The following DNAH10 variants were observed in gnomAD, a reference collection of about 807,000 sequenced individuals.
The protein encoded by DNAH10 is axonemal beta dynein heavy chain 10.
In DNAH10, 348 loss-of-function variants were observed where a neutral mutation model predicts 506.6. The ratio of observed to expected loss-of-function variants is 0.69; its 90% confidence interval spans 0.63 to 0.75. DNAH10 has a LOEUF of 0.75. DNAH10 is among the 30% of genes least tolerant of loss of function. The pLI is 0.00. For synonymous variants in DNAH10, 2,059 were observed against 2,198.6 expected (o/e 0.94, Z 1.78); for missense variants, 5,179 against 5,787.1 (o/e 0.89, Z 3.41).
chr12:123,765,254 AAAAAC>A (rs571827009), intron 1 of DNAH10, among the ~76,000 whole-genome samples: 120 of 152,266 alleles, frequency 7.9e-4, no homozygotes, highest in Non-Finnish European at 1.4e-3. Flanking sequence ...TCCTTCTGGA[AAAAAC>A]AAAACGGAAT....
intron 54 of DNAH10, among the ~76,000 whole-genome samples, chr12:123,896,028 G>T (rs574738130): frequency 9.2e-5 from 14 of 151,496 alleles, no homozygotes; most frequent in Non-Finnish European, 1.9e-4. Context: ...CATGAGAATT[G>T]CTTGAGCCCA....
intron 60 of DNAH10, 44 bp from the exon 61 acceptor site, chr12:123,914,284 GC>G: frequency 6.5e-7 from 1 of 1,549,456 alleles, no homozygotes. Context: ...TTTGGTTGTG[GC>G]CAGAAGGTAA....
intron 30 of DNAH10, among the ~76,000 whole-genome samples, chr12:123,844,309 G>A (rs555917814): frequency 3.9e-5 from 6 of 152,278 alleles, no homozygotes; most frequent in Admixed American, 2.0e-4. Flanking sequence ...AATTTGAGAC[G>A]AGACGTGGGT....
At chr12:123,860,964 C>T (rs1165578355) in intron 38 of DNAH10, 48 bp from the exon 39 acceptor site, 1 of 1,612,964 alleles carries the variant, frequency 6.2e-7, no homozygotes, top group Non-Finnish European at 8.5e-7. Flanking sequence ...CTGTTTTCCT[C>T]ATGCATTTAG....
In DNAH10 at chr12:123,853,468, T is replaced by G. The variant is rs1054153386; in HGVS notation, c.6438+116T>G. 1.1e-5 allele frequency: 15 copies of G among 1,333,122 alleles called. No individual in the cohort carries two copies. The highest frequency in any genetic ancestry group is 1.5e-5 in the Non-Finnish European group (15 of 1,011,218). The allele number at this position is 1,333,122 out of a possible 1,614,324, so 82.6% of individuals were successfully genotyped here. On this transcript the variant is annotated intron_variant, in intron 36 of 78. Transcript: ENST00000673944. The surrounding 1 kb of genome is among the most constrained non-coding windows in gnomAD (Gnocchi z 4.7). ...TCACCTGAAAGGTTTAAGTCTTAGC[T>G]GCCTCTTCACCCCGCGGTCTGGCCT... is the stretch of plus-strand genomic sequence containing the variant.
rs1441317556 is a variant in DNAH10 at position 123,933,492 on chromosome 12, G to C, written c.13458G>C (p.Val4486=). 6.2e-7 allele frequency: 1 copy of C among 1,606,214 alleles called. No individual in the cohort carries two copies. Residue 4486 remains valine (V), a synonymous_variant, in exon 77 of 79, where the codon GTG becomes GTC. Coordinates refer to ENST00000673944, the MANE Select transcript of DNAH10 (RefSeq NM_001372106.1). Reference sequence around the variant, plus strand: ...CCAAGTTCCAGGATGCAGATGAAGTGAATGAGCGGGCGGGACAAGGTACCG... The same window carrying C: ...CCAAGTTCCAGGATGCAGATGAAGTCAATGAGCGGGCGGGACAAGGTACCG... ...QVTKFQDADE[V]NERAGQGCFV...
intron 26 of DNAH10, among the ~76,000 whole-genome samples, chr12:123,831,048 A>T (rs1462051702): frequency 6.6e-6 from 1 of 152,184 alleles, no homozygotes; most frequent in African/African-American, 2.4e-5. Context: ...CCTTAATTAA[A>T]TTTTTTGTTG....
intron 51 of DNAH10, among the ~76,000 whole-genome samples, chr12:123,886,693 C>A (rs1450043503): frequency 6.6e-6 from 1 of 152,000 alleles, no homozygotes; most frequent in Non-Finnish European, 1.5e-5. Context: ...TTCTGACAGT[C>A]GCTGGTTGCA....
intron 5 of DNAH10, among the ~76,000 whole-genome samples, chr12:123,774,996 G>A (rs1027278820): frequency 1.3e-5 from 2 of 152,212 alleles, no homozygotes; most frequent in East Asian, 1.9e-4. Context: ...AGAAAATACC[G>A]ACAAGTGGCA....
At chr12:123,929,605 T>A in intron 71 of DNAH10, 59 bp from the exon 72 acceptor site, 2 of 1,579,900 alleles carry the variant, frequency 1.3e-6, no homozygotes, top group South Asian at 2.3e-5. Context: ...CAGAAAAGTA[T>A]CAGAATGTGA....
At position 123,853,734 on chromosome 12, in the gene DNAH10, A is replaced by C. The variant is rs1235950436; in HGVS notation, c.6438+382A>C. On this transcript the variant is annotated intron_variant, in intron 36 of 78. Transcript: ENST00000673944. This position sits in a 1 kb window ranked among gnomAD's most constrained non-coding sequence, Gnocchi z 4.7. ...GAACAATTGTGTTTTTTTTACATGG[A>C]CTTTAAATAAAAGGTTTAGTCAATG... Among the ~76,000 whole-genome samples the C allele has an allele frequency of 6.6e-6, 1 of 152,030 alleles. No individual in the cohort carries two copies. The highest frequency in any genetic ancestry group is 1.5e-5 in the Non-Finnish European group (1 of 67,986).
intron 33 of DNAH10, 125 bp downstream of exon 33, chr12:123,848,220 C>A: frequency 7.4e-7 from 1 of 1,356,834 alleles, no homozygotes; most frequent in Non-Finnish European, 1.0e-6. Context: ...AACCTTCCAC[C>A]ACCACAGCCC....
intron 36 of DNAH10, among the ~76,000 whole-genome samples, chr12:123,855,747 A>G (rs940079836): frequency 6.6e-6 from 1 of 150,958 alleles, no homozygotes; most frequent in African/African-American, 2.4e-5. Context: ...AGATGGCCAT[A>G]CCCCTCTGTA....
chr12:123,765,959 C>T (rs76455766), intron 1 of DNAH10, among the ~76,000 whole-genome samples: 1 of 151,868 alleles, frequency 6.6e-6, no homozygotes, highest in African/African-American at 2.4e-5. Context: ...GTCTGTCTAC[C>T]TATCACTTAC....
rs781571509 is a variant in DNAH10 at position 123,838,587 on chromosome 12, G to T, written c.5034G>T (p.Ser1678=). The change falls in exon 29 of 79, where the codon TCG becomes TCT. Residue 1678 remains serine (S), a synonymous_variant. Coordinates refer to ENST00000673944, the MANE Select transcript of DNAH10 (RefSeq NM_001372106.1). The part of the protein sequence containing the change: ...CQKSLNDYLD[S]KRNAFPRFFF... ...AAAGCCTCAACGACTACTTAGATTC[G>T]AAGAGAAATGCTTTCCCAAGGTTCT... 13 of 1,614,004 alleles carry T rather than the reference G, an allele frequency of 8.1e-6. No individual in the cohort carries two copies. The South Asian group carries it at 8.8e-5, about 11-fold the overall frequency.
At chr12:123,768,085 C>T (rs906886571) in intron 2 of DNAH10, among the ~76,000 whole-genome samples, 2 of 152,008 alleles carry the variant, frequency 1.3e-5, no homozygotes, top group Non-Finnish European at 2.9e-5. Context: ...ATGGCCTTGT[C>T]CCCTCTGTAT....
intron 15 of DNAH10, among the ~76,000 whole-genome samples, chr12:123,800,743 G>A (rs993010211): frequency 6.6e-6 from 1 of 152,014 alleles, no homozygotes; most frequent in East Asian, 1.9e-4. Context: ...ATGGGGTTGG[G>A]TGTGGTGGCT....
At chr12:123,832,400 A>G (rs139873717) in intron 26 of DNAH10, among the ~76,000 whole-genome samples, 2 of 152,350 alleles carry the variant, frequency 1.3e-5, no homozygotes, top group Middle Eastern at 3.4e-3. Flanking sequence ...CACATAGTAT[A>G]TACACATGTA....
intron 55 of DNAH10, 112 bp downstream of exon 55, chr12:123,898,079 C>T (rs777144108): frequency 2.0e-4 from 205 of 1,002,398 alleles, no homozygotes; most frequent in Middle Eastern, 3.2e-4. Context: ...TGAGGCCAAA[C>T]GAAGCACATC....
Sources: allele counts gnomAD v4.1 joint callset (sites outside exome capture counted in the v4.1 genomes callset), GRCh38; gene constraint gnomAD v4.1.1; non-coding constraint Gnocchi (gnomAD v3.1); transcripts MANE v1.5; gene names NCBI Gene and HGNC (gene_info 2026-07-23, HGNC 2026-07-21).